Variants in EGFR observed in about 807,000 individuals in gnomAD.
EGFR encodes epidermal growth factor receptor.
A neutral mutation model predicts 143.0 loss-of-function variants in EGFR; 58 were observed. The observed-to-expected ratio is 0.41, with a 90% CI of 0.33 to 0.50. The LOEUF is 0.50. Among genes scored for constraint, EGFR ranks in the 20% least tolerant of loss-of-function variants. The pLI is 0.39. For missense variants in EGFR, 1,307 were observed against 1,579.0 expected (o/e 0.83, Z 2.92); for synonymous variants, 613 against 594.4 (o/e 1.03, Z -0.45).
rs776875545 is a variant in EGFR, at chr7:55,173,073, G to A, written c.2010G>A (p.Arg670=). ...TGGGGATCGGCCTCTTCATGCGAAG[G>A]CGCCACATCGTTCGGAAGCGCACGC... ...VALGIGLFMR[R]RHIVRKRTLR... The change falls in exon 17 of 28, where the codon AGG becomes AGA. Residue 670 remains arginine (R), a synonymous_variant. Transcript: ENST00000275493. 2 of 1,613,426 alleles carry A rather than the reference G, an allele frequency of 1.2e-6. No individual in the cohort carries two copies. The highest frequency in any genetic ancestry group is 1.7e-6 in the Non-Finnish European group (2 of 1,180,038).
intron 1 of EGFR, among the ~76,000 whole-genome samples, chr7:55,062,817 G>T (rs550466576): frequency 1.3e-5 from 2 of 152,184 alleles, no homozygotes; most frequent in South Asian, 4.1e-4. Context: ...ACTTGAAAAT[G>T]TGCTTTTAAT....
chr7:55,161,703 A>G lies in EGFR; in HGVS notation c.1631+72A>G, dbSNP rs1785714446. On this transcript the variant is annotated intron_variant, in intron 13 of 27. Coordinates refer to ENST00000275493, the MANE Select transcript of EGFR (RefSeq NM_005228.5). Reference sequence around the variant, plus strand: ...CTCCAGGTTGTTGTTATAGCTTTACAGGCATTCTGTTTGATTTTCTCTTCC... The same window carrying G: ...CTCCAGGTTGTTGTTATAGCTTTACGGGCATTCTGTTTGATTTTCTCTTCC... The G allele has an allele frequency of 9.3e-6, 15 of 1,610,810 alleles. 1 individual carries two copies. The South Asian group carries it at 1.7e-4, about 18-fold the overall frequency.
intron 1 of EGFR, among the ~76,000 whole-genome samples, chr7:55,093,133 A>T (rs911670450): frequency 6.6e-5 from 10 of 152,190 alleles, no homozygotes; most frequent in Non-Finnish European, 1.0e-4. Context: ...TCCTTAACTG[A>T]CATCTAGAAG....
chr7:55,109,089 G>A (rs573283863), intron 1 of EGFR, among the ~76,000 whole-genome samples: 68 of 152,332 alleles, frequency 4.5e-4, no homozygotes, highest in Middle Eastern at 3.4e-3. Flanking sequence ...TTAGCAGAAT[G>A]AGCAGCACAG....
In EGFR at chr7:55,202,651, C is replaced by T. The variant is rs761494116; in HGVS notation, c.3271+26C>T. ...GTGAGTGGCTTGTCTGGAAACAGTCCTGCTCCTCAACCTCCTCGACCCACT... is the reference window on the plus strand; with the variant it reads ...GTGAGTGGCTTGTCTGGAAACAGTCTTGCTCCTCAACCTCCTCGACCCACT... On this transcript the variant is annotated intron_variant, in intron 27 of 27. Transcript: ENST00000275493. The T allele has an allele frequency of 4.4e-6, 7 of 1,591,354 alleles. No individual in the cohort carries two copies. Among genetic ancestry groups the T allele is most frequent in the Admixed American group, 1.7e-5 (1 of 57,650 alleles).
intron 1 of EGFR, among the ~76,000 whole-genome samples, chr7:55,133,421 G>C (rs933242777): frequency 6.6e-6 from 1 of 152,204 alleles, no homozygotes; most frequent in Non-Finnish European, 1.5e-5. Flanking sequence ...AAAGAGGGAC[G>C]TGAAGTCAGA....
chr7:55,099,757 G>A (rs1032858011), intron 1 of EGFR, among the ~76,000 whole-genome samples: 2 of 151,988 alleles, frequency 1.3e-5, no homozygotes, highest in Non-Finnish European at 2.9e-5. Flanking sequence ...GATTCCTGAG[G>A]AATCACAATG....
At chr7:55,123,581 G>A (rs1584098091) in intron 1 of EGFR, among the ~76,000 whole-genome samples, 2 of 152,046 alleles carry the variant, frequency 1.3e-5, no homozygotes, top group African/African-American at 4.8e-5. Flanking sequence ...GTGCACATAA[G>A]CAATTGCTGG....
chr7:55,045,166 T>C (rs1435303382), intron 1 of EGFR, among the ~76,000 whole-genome samples: 3 of 152,240 alleles, frequency 2.0e-5, no homozygotes, highest in East Asian at 1.9e-4. Flanking sequence ...CCAGCTTAAC[T>C]ACTAGTTTTA....
chr7:55,029,002 C>CAA (rs369524066), intron 1 of EGFR, among the ~76,000 whole-genome samples: 2 of 151,536 alleles, frequency 1.3e-5, no homozygotes, highest in African/African-American at 4.9e-5. Context: ...ACTAAAAATA[C>CAA]AAAAAAAACA....
Position 55,174,594 on chromosome 7 carries a change from C to T in EGFR, c.2185-128C>T, listed in dbSNP as rs956966552. ...CCCCCAGCAATATCAGCCTTAGGTGCGGCTCCACAGCCCCAGTGTCCCTCA... is the reference window on the plus strand; with the variant it reads ...CCCCCAGCAATATCAGCCTTAGGTGTGGCTCCACAGCCCCAGTGTCCCTCA... On this transcript the variant is annotated intron_variant, in intron 18 of 27. Coordinates refer to ENST00000275493, the MANE Select transcript of EGFR (RefSeq NM_005228.5). The T allele has an allele frequency of 2.9e-5, 24 of 817,956 alleles. No homozygotes were observed. In the Middle Eastern group the frequency reaches 1.0e-3, roughly 34 times the overall value. The allele number at this position is 817,956 out of a possible 1,614,324, so 50.7% of individuals were successfully genotyped here. A position where few individuals can be genotyped will look rare whatever the true frequency, so the allele number is the denominator to read the frequency against.
At position 55,161,508 on chromosome 7, in the gene EGFR, G is replaced by A. The variant is rs2128942699; in HGVS notation, c.1508G>A (p.Gly503Asp). The A allele has an allele frequency of 1.2e-6, 2 of 1,614,022 alleles. No homozygotes were observed. The highest frequency in any genetic ancestry group is 2.2e-5 in the East Asian group (1 of 44,886). Reference sequence around the variant, plus strand: ...CACTCTGTCTCCGCAGAGGCCACAGGCCAGGTCTGCCATGCCTTGTGCTCC... The same window carrying A: ...CACTCTGTCTCCGCAGAGGCCACAGACCAGGTCTGCCATGCCTTGTGCTCC... ...NRGENSCKAT[G>D]QVCHALCSPE... Residue 503 changes from glycine (G) to aspartate (D), a missense_variant, in exon 13 of 28, where the codon GGC (glycine) becomes GAC (aspartate). Transcript: ENST00000275493.
intron 20 of EGFR, among the ~76,000 whole-genome samples, chr7:55,187,626 C>A (rs890866492): frequency 1.3e-5 from 2 of 152,208 alleles, no homozygotes; most frequent in Admixed American, 1.3e-4. Context: ...GGCAAGCTGG[C>A]CTGAGGAACA....
At chr7:55,023,283 T>C (rs1017362673) in intron 1 of EGFR, among the ~76,000 whole-genome samples, 1 of 152,194 alleles carries the variant, frequency 6.6e-6, no homozygotes, top group Non-Finnish European at 1.5e-5. Context: ...AATAGGGGTA[T>C]GTGTTGAGAA....
chr7:55,134,569 G>C (rs762693303), intron 1 of EGFR, among the ~76,000 whole-genome samples: 2 of 152,220 alleles, frequency 1.3e-5, no homozygotes, highest in Non-Finnish European at 2.9e-5. Context: ...TGAAACTATT[G>C]TATTGAATAC....
chr7:55,028,039 C>CACACAT (rs1491082143), intron 1 of EGFR, among the ~76,000 whole-genome samples: 2 of 126,622 alleles, frequency 1.6e-5, no homozygotes, highest in African/African-American at 6.0e-5. Context: ...CACACACACA[C>CACACAT]ATATGGAGGT....
chr7:55,181,982 G>A (rs1786900513), intron 20 of EGFR: 1 of 218,808 alleles, frequency 4.6e-6, no homozygotes, highest in Non-Finnish European at 9.2e-6. Flanking sequence ...CCTTGGCTAA[G>A]TGTCCCCCTT....
intron 3 of EGFR, among the ~76,000 whole-genome samples, 174 bp from the exon 4 acceptor site, chr7:55,146,432 T>C (rs2128929146): frequency 1.3e-5 from 2 of 152,242 alleles, no homozygotes; most frequent in South Asian, 4.2e-4. Context: ...CATGGCACCA[T>C]CATTAACAAT....
chr7:55,111,623 C>G lies in EGFR; in HGVS notation c.89-30663C>G, dbSNP rs1033774589. ...ATTCCTGGACTTGATATGTAGCAAGCTGGCATTGGCTCGGGAGTGAGTGGG... is the reference window on the plus strand; with the variant it reads ...ATTCCTGGACTTGATATGTAGCAAGGTGGCATTGGCTCGGGAGTGAGTGGG... On this transcript the variant is annotated intron_variant, in intron 1 of 27. Transcript: ENST00000275493. Among the ~76,000 whole-genome samples the G allele has an allele frequency of 6.7e-4, 102 of 152,148 alleles. 1 individual carries two copies. Among genetic ancestry groups the G allele is most frequent in the Admixed American group, 2.0e-3 (31 of 15,272 alleles).
Sources: gnomAD v4.1 joint callset for allele counts (sites outside exome capture counted in the v4.1 genomes callset) on GRCh38, gnomAD v4.1.1 for gene constraint, MANE v1.5 for transcripts, NCBI Gene and HGNC (gene_info 2026-07-23, HGNC 2026-07-21) for gene names.